Variants in MTDH observed in about 807,000 individuals in gnomAD.
The protein encoded by MTDH is metadherin.
A neutral mutation model predicts 72.7 loss-of-function variants in MTDH; 34 were observed. The ratio of observed to expected loss-of-function variants is 0.47; its 90% CI spans 0.36 to 0.62. MTDH has a LOEUF of 0.62. Among genes scored for constraint, MTDH ranks in the 20% least tolerant of loss-of-function variants. The pLI is 0.00. For missense variants in MTDH, 677 were observed against 699.4 expected, an observed-to-expected ratio of 0.97 and a Z score of 0.36; for synonymous variants, 266 against 268.9, an observed-to-expected ratio of 0.99 and a Z score of 0.10.
chr8:97,712,478 A>G (rs1271811162), intron 8 of MTDH, among the ~76,000 whole-genome samples: 2 of 152,078 alleles, frequency 1.3e-5, no homozygotes, highest in African/African-American at 2.4e-5. Flanking sequence ...TTCTTTAACC[A>G]TTTACCTATT....
chr8:97,719,660 G>T (rs553980531), intron 10 of MTDH, among the ~76,000 whole-genome samples: 3 of 152,208 alleles, frequency 2.0e-5, no homozygotes, highest in African/African-American at 7.2e-5. Flanking sequence ...AGCTAGAGAA[G>T]TTGAATAACT....
Position 97,673,943 on chromosome 8 carries a change from C to T in MTDH, c.484-12725C>T, listed in dbSNP as rs549686792. Among the ~76,000 whole-genome samples the T allele has an allele frequency of 8.5e-4, 129 of 152,218 alleles. 1 individual carries two copies. The highest frequency in any genetic ancestry group is 2.9e-3 in the African/African-American group (122 of 41,536). On this transcript the variant is annotated intron_variant, in intron 2 of 11. Coordinates refer to ENST00000336273, the MANE Select transcript of MTDH (RefSeq NM_178812.4). The stretch of plus-strand genomic sequence containing the variant: ...TGAACCAAGATCGTACCACTGCACT[C>T]CAGCCTGGTCAACAGAGCGAAACCC...
chr8:97,700,547 C>T (rs1178406190), intron 7 of MTDH, among the ~76,000 whole-genome samples: 1 of 152,192 alleles, frequency 6.6e-6, no homozygotes, highest in African/African-American at 2.4e-5. Flanking sequence ...CTCTTTCATA[C>T]ACTCAGGACC....
At chr8:97,660,789 C>T (rs1812142989) in intron 1 of MTDH, among the ~76,000 whole-genome samples, 1 of 152,002 alleles carries the variant, frequency 6.6e-6, no homozygotes. Flanking sequence ...GTTTTGTTCT[C>T]CTTTTAACTG....
chr8:97,709,193 C>CAAAA (rs56931322), intron 8 of MTDH, among the ~76,000 whole-genome samples: 1 of 75,030 alleles, frequency 1.3e-5, no homozygotes. Flanking sequence ...GACTCCATCT[C>CAAAA]AAAAAAAAAA....
At chr8:97,669,944 C>T (rs1455809601) in intron 2 of MTDH, among the ~76,000 whole-genome samples, 1 of 150,966 alleles carries the variant, frequency 6.6e-6, no homozygotes, top group Non-Finnish European at 1.5e-5. Context: ...AAAAACTACT[C>T]CCTTTTCTAC....
rs533399224 is a variant in MTDH at position 97,717,302 on chromosome 8, T to TA, written c.1381-1746dup. ...TATGGATGCATTTGCCAAAGAAAAA[T>TA]ACAGTAATCCTTCTATTTAATATAT... On this transcript the variant is annotated intron_variant, in intron 9 of 11. Coordinates refer to ENST00000336273, the MANE Select transcript of MTDH (RefSeq NM_178812.4). Among the ~76,000 whole-genome samples, 558 of 152,312 alleles carry TA rather than the reference T, an allele frequency of 3.7e-3. 3 individuals carry two copies. Among genetic ancestry groups the TA allele is most frequent in the Non-Finnish European group, 3.7e-3 (252 of 68,016 alleles).
intron 2 of MTDH, among the ~76,000 whole-genome samples, chr8:97,677,335 TA>T (rs1456954068): frequency 6.7e-6 from 1 of 148,248 alleles, no homozygotes. Context: ...CTACTAAAAA[TA>T]AAAAATTAGC....
intron 2 of MTDH, among the ~76,000 whole-genome samples, chr8:97,670,722 A>G (rs1249565565): frequency 1.3e-5 from 2 of 152,352 alleles, no homozygotes; most frequent in East Asian, 3.9e-4. Flanking sequence ...TACAGGAAGC[A>G]TAGCAACATC....
chr8:97,711,794 T>C (rs1340959610), intron 8 of MTDH, among the ~76,000 whole-genome samples: 1 of 152,218 alleles, frequency 6.6e-6, no homozygotes, highest in Non-Finnish European at 1.5e-5. Context: ...TTATAAAATT[T>C]ACTGTAATAA....
At chr8:97,648,802 A>G (rs1416877142) in intron 1 of MTDH, among the ~76,000 whole-genome samples, 1 of 152,252 alleles carries the variant, frequency 6.6e-6, no homozygotes, top group East Asian at 1.9e-4. Context: ...ATAGCCTTGC[A>G]CAGTGCTTGG....
At chr8:97,708,930 G>A (rs1004806862) in intron 8 of MTDH, among the ~76,000 whole-genome samples, 11 of 151,982 alleles carry the variant, frequency 7.2e-5, no homozygotes, top group African/African-American at 2.4e-4. Flanking sequence ...GATATAGGCC[G>A]GGCACAGTGG....
rs148421730 is a variant in MTDH at position 97,693,142 on chromosome 8, AGTT to A, written c.1048+1958_1048+1960del. On this transcript the variant is annotated intron_variant, in intron 6 of 11. Transcript: ENST00000336273. ...ATAGTGCCTAAGTATTTTCTAAGAG[AGTT>A]GTTCTAATTTATACTCAAAGCATCA... Among the ~76,000 whole-genome samples the A allele has an allele frequency of 7.7e-3, 1,167 of 152,158 alleles. 15 individuals are homozygous for A. The highest frequency in any genetic ancestry group is 0.026 in the African/African-American group (1,091 of 41,516).
intron 1 of MTDH, among the ~76,000 whole-genome samples, chr8:97,658,487 C>T (rs1812061750): frequency 6.6e-6 from 1 of 152,160 alleles, no homozygotes; most frequent in Non-Finnish European, 1.5e-5. Flanking sequence ...ACATAAATGG[C>T]ATTGAACTTG....
At chr8:97,681,981 A>T (rs2130985651) in intron 2 of MTDH, among the ~76,000 whole-genome samples, 1 of 151,364 alleles carries the variant, frequency 6.6e-6, no homozygotes, top group East Asian at 1.9e-4. Flanking sequence ...TTAATTATCC[A>T]CTCAGTTCTG....
chr8:97,717,461 C>T (rs547280024), intron 9 of MTDH, among the ~76,000 whole-genome samples: 1 of 152,308 alleles, frequency 6.6e-6, no homozygotes, highest in South Asian at 2.1e-4. Context: ...TGGTGTTTGG[C>T]ATGTGCCCTC....
intron 1 of MTDH, among the ~76,000 whole-genome samples, chr8:97,649,061 T>C (rs1206480141): frequency 6.6e-6 from 1 of 152,206 alleles, no homozygotes; most frequent in Non-Finnish European, 1.5e-5. Context: ...ACACAAACAC[T>C]TACCATTGTG....
At chr8:97,661,537 A>G (rs932552498) in intron 2 of MTDH, among the ~76,000 whole-genome samples, 1 of 152,222 alleles carries the variant, frequency 6.6e-6, no homozygotes, top group African/African-American at 2.4e-5. Flanking sequence ...AGACACATCT[A>G]GCATGAAAAC....
rs543560196 is a variant in MTDH at position 97,728,512 on chromosome 8, G to T, written c.*3842G>T. 5.3e-5 allele frequency: 8 copies of T among 152,242 alleles called. No individual in the cohort carries two copies. The highest frequency in any genetic ancestry group is 1.9e-4 in the African/African-American group (8 of 41,556). The allele number at this position is 152,242 out of a possible 1,614,324, so 9.4% of individuals were successfully genotyped here. ...TAGATGTAGCTGCCTGCCACCAGGT[G>T]CAATATGTCATTTGCATCAGCCTTT... On this transcript the variant is annotated 3_prime_UTR_variant, in exon 12 of 12. Coordinates refer to ENST00000336273, the MANE Select transcript of MTDH (RefSeq NM_178812.4).
Sources: gnomAD v4.1 joint callset for allele counts (sites outside exome capture counted in the v4.1 genomes callset) on GRCh38, gnomAD v4.1.1 for gene constraint, MANE v1.5 for transcripts, NCBI Gene and HGNC (gene_info 2026-07-23, HGNC 2026-07-21) for gene names.